Variants in SBF2 observed in about 807,000 individuals in gnomAD.
SBF2 encodes myotubularin-related protein 13.
SBF2 carries 112 observed loss-of-function variants against 225.2 expected under a neutral mutation model. The ratio of observed to expected loss-of-function variants is 0.50; its 90% CI spans 0.43 to 0.58. SBF2 has a LOEUF of 0.58. Ranked by LOEUF, SBF2 falls within the 20% of genes least tolerant of loss-of-function variation. The pLI is 0.00. For synonymous variants in SBF2, 763 were observed against 773.3 expected (o/e 0.99, Z 0.22); for missense variants, 1,996 against 2,206.2 (o/e 0.90, Z 1.91).
chr11:9,978,019 A>G (rs373508516), intron 13 of SBF2, among the ~76,000 whole-genome samples: 2 of 152,348 alleles, frequency 1.3e-5, no homozygotes, highest in East Asian at 3.9e-4. Flanking sequence ...ACCAGGTCTC[A>G]ATTCCAACCC....
Position 9,808,812 on chromosome 11 carries a change from CATT to C in SBF2, c.4257+86_4257+88del, listed in dbSNP as rs1347973264. The stretch of plus-strand genomic sequence containing the variant: ...TTTCTCTGTCCATAAACACATTAGT[CATT>C]ATACAAAAGAGTCATCTGAAGAATT... On this transcript the variant is annotated intron_variant, in intron 31 of 39. Transcript: ENST00000256190. The C allele has an allele frequency of 1.6e-5, 15 of 954,768 alleles. No individual in the cohort carries two copies. The African/African-American group carries it at 2.1e-4, about 14-fold the overall frequency. The allele number at this position is 954,768 out of a possible 1,614,324, so 59.1% of individuals were successfully genotyped here.
chr11:9,868,541 TAAAAAA>T (rs538217664), intron 17 of SBF2, among the ~76,000 whole-genome samples: 2 of 150,784 alleles, frequency 1.3e-5, no homozygotes, highest in African/African-American at 4.9e-5. Context: ...TAAATAAAAA[TAAAAAA>T]AAAGTTTGTC....
intron 1 of SBF2, among the ~76,000 whole-genome samples, chr11:10,212,236 A>G (rs552762842): frequency 9.2e-5 from 14 of 152,348 alleles, no homozygotes; most frequent in African/African-American, 3.4e-4. Flanking sequence ...GTACGAATTC[A>G]TGGACTGTGA....
chr11:9,809,195 A>G (rs1294683935), intron 30 of SBF2, 193 bp from the exon 31 acceptor site: 6 of 522,106 alleles, frequency 1.1e-5, no homozygotes, highest in African/African-American at 7.7e-5. Context: ...ACTGGATGCA[A>G]TGACTCATGC....
intron 1 of SBF2, among the ~76,000 whole-genome samples, chr11:10,216,276 G>C (rs1958125996): frequency 6.6e-6 from 1 of 152,194 alleles, no homozygotes; most frequent in South Asian, 2.1e-4. Context: ...TTCTGTTGTT[G>C]AAAGATCTAA....
chr11:9,874,744 C>T (rs1176592201), intron 17 of SBF2, among the ~76,000 whole-genome samples: 1 of 152,168 alleles, frequency 6.6e-6, no homozygotes, highest in African/African-American at 2.4e-5. Context: ...GGGGCTGGGC[C>T]TTGAAGAGGC....
intron 3 of SBF2, among the ~76,000 whole-genome samples, chr11:10,041,005 T>C (rs941791912): frequency 1.3e-4 from 20 of 152,064 alleles, no homozygotes; most frequent in Non-Finnish European, 2.2e-4. Flanking sequence ...TGTCAATATA[T>C]TGCCTTTCTG....
intron 6 of SBF2, among the ~76,000 whole-genome samples, chr11:10,003,424 G>C (rs1352946190): frequency 6.6e-6 from 1 of 150,382 alleles, no homozygotes; most frequent in Non-Finnish European, 1.5e-5. Flanking sequence ...TTGGAGTGCA[G>C]TGGCACGATC....
At chr11:9,849,653 T>C (rs1467162110) in intron 22 of SBF2, among the ~76,000 whole-genome samples, 1 of 152,216 alleles carries the variant, frequency 6.6e-6, no homozygotes, top group East Asian at 1.9e-4. Context: ...GGTTCAAGTA[T>C]CTGCAAGACC....
At chr11:9,892,431 A>G (rs1366562881) in intron 17 of SBF2, among the ~76,000 whole-genome samples, 1 of 151,928 alleles carries the variant, frequency 6.6e-6, no homozygotes. Context: ...CTGGCCCCTG[A>G]CCCTCATTCC....
At chr11:10,220,465 A>G (rs1958300652) in intron 1 of SBF2, among the ~76,000 whole-genome samples, 1 of 152,114 alleles carries the variant, frequency 6.6e-6, no homozygotes, top group Non-Finnish European at 1.5e-5. Flanking sequence ...ATCTGTTACC[A>G]AGACCTATAG....
At chr11:9,953,550 G>T (rs917014515) in intron 16 of SBF2, among the ~76,000 whole-genome samples, 1 of 152,194 alleles carries the variant, frequency 6.6e-6, no homozygotes, top group Non-Finnish European at 1.5e-5. Context: ...GATGAGATTG[G>T]AGACTATTAT....
chr11:9,975,188 T>C (rs1296332490), intron 13 of SBF2, among the ~76,000 whole-genome samples: 3 of 152,078 alleles, frequency 2.0e-5, no homozygotes, highest in South Asian at 2.1e-4. Flanking sequence ...AAATGAAAAC[T>C]TATATTTATA....
intron 17 of SBF2, among the ~76,000 whole-genome samples, chr11:9,885,370 T>C (rs745958870): frequency 1.6e-4 from 25 of 151,642 alleles, no homozygotes; most frequent in Admixed American, 2.6e-4. Flanking sequence ...CTCTTCATTG[T>C]ATTATTTGAA....
At chr11:10,244,323 T>C (rs1472890166) in intron 1 of SBF2, among the ~76,000 whole-genome samples, 1 of 152,194 alleles carries the variant, frequency 6.6e-6, no homozygotes, top group Non-Finnish European at 1.5e-5. Flanking sequence ...TCCAATTTCA[T>C]TGTTTTGCAT....
At chr11:9,897,527 TAC>T (rs1382502722) in intron 16 of SBF2, among the ~76,000 whole-genome samples, 36 of 152,146 alleles carry the variant, frequency 2.4e-4, no homozygotes, top group Non-Finnish European at 7.3e-5. Context: ...GATATTTTCA[TAC>T]AGTTATATTA....
Position 9,817,027 on chromosome 11 carries a change from T to C in SBF2, c.3794-3A>G. ...AGAGCGAAGACTTGCCCACACACCT[T>C]CACAAAAGCCAAAGTCGTGGAGTGA... On this transcript the variant is annotated splice_polypyrimidine_tract_variant and splice_region_variant and intron_variant, in intron 28 of 39. Coordinates refer to ENST00000256190, the MANE Select transcript of SBF2 (RefSeq NM_030962.4). 1 of 1,613,942 alleles carries C rather than the reference T, an allele frequency of 6.2e-7. No homozygotes were observed. Among genetic ancestry groups the C allele is most frequent in the Non-Finnish European group, 8.5e-7 (1 of 1,179,976 alleles).
chr11:10,249,526 T>C (rs987183687), intron 1 of SBF2, among the ~76,000 whole-genome samples: 3 of 152,104 alleles, frequency 2.0e-5, no homozygotes, highest in African/African-American at 4.8e-5. Context: ...TGAGTAAACA[T>C]TGTTGCCTTT....
intron 27 of SBF2, among the ~76,000 whole-genome samples, chr11:9,831,268 G>C (rs1401768174): frequency 3.3e-5 from 5 of 152,196 alleles, no homozygotes; most frequent in Non-Finnish European, 7.3e-5. Context: ...CAAGTAGCTG[G>C]GACTACAGGC....
Sources: allele counts gnomAD v4.1 joint callset (sites outside exome capture counted in the v4.1 genomes callset), GRCh38; gene constraint gnomAD v4.1.1; transcripts MANE v1.5; gene names NCBI Gene and HGNC (gene_info 2026-07-23, HGNC 2026-07-21).